SLC8A1: variants seen among roughly 807,000 people sequenced by gnomAD.
SLC8A1 encodes the protein solute carrier family 8 member A1.
Under a neutral mutation model 68.3 loss-of-function variants are expected in SLC8A1, and 18 were observed. The observed-to-expected ratio is 0.26, with a 90% confidence interval of 0.18 to 0.39. SLC8A1 has a LOEUF of 0.39. SLC8A1 is among the 10% of genes least tolerant of loss of function. The pLI is 1.00. For synonymous variants in SLC8A1, 475 were observed against 415.5 expected (o/e 1.14, Z -1.74); for missense variants, 985 against 1,156.7 (o/e 0.85, Z 2.15).
intron 2 of SLC8A1, among the ~76,000 whole-genome samples, chr2:40,292,634 G>A (rs972058813): frequency 7.9e-5 from 12 of 152,298 alleles, no homozygotes; most frequent in African/African-American, 2.9e-4. Context: ...GAGTGACTGT[G>A]ATCTATTAAA....
intron 2 of SLC8A1, among the ~76,000 whole-genome samples, chr2:40,383,542 T>C (rs942404409): frequency 2.0e-5 from 3 of 152,068 alleles, no homozygotes; most frequent in African/African-American, 7.2e-5. Flanking sequence ...ATATAAATTA[T>C]CTCTTTCTAG....
chr2:40,218,653 C>G (rs370573141), intron 2 of SLC8A1, among the ~76,000 whole-genome samples: 94 of 151,300 alleles, frequency 6.2e-4, no homozygotes, highest in African/African-American at 2.2e-3. Flanking sequence ...AGCTTATGTA[C>G]TTTATGATTA....
chr2:40,327,413 A>AAAGG, intron 2 of SLC8A1, among the ~76,000 whole-genome samples: 1 of 152,332 alleles, frequency 6.6e-6, no homozygotes, highest in East Asian at 1.9e-4. Flanking sequence ...ATTATGTGTC[A>AAAGG]AAGGAAATAA....
At chr2:40,491,091 C>T (rs1257854012) in intron 1 of SLC8A1, among the ~76,000 whole-genome samples, 1 of 152,120 alleles carries the variant, frequency 6.6e-6, no homozygotes, top group Non-Finnish European at 1.5e-5. Flanking sequence ...TTCTCTCCTA[C>T]ATCTACAATT....
intron 2 of SLC8A1, among the ~76,000 whole-genome samples, chr2:40,321,643 G>A (rs532245829): frequency 6.6e-6 from 1 of 152,078 alleles, no homozygotes; most frequent in Admixed American, 6.6e-5. Flanking sequence ...TGGCATAAAG[G>A]AGAAGTGCCG....
At chr2:40,287,617 T>TGTGTGTGTGTGTGTGTGTGTGTGTGTGC (rs1316566001) in intron 2 of SLC8A1, among the ~76,000 whole-genome samples, 3 of 149,070 alleles carry the variant, frequency 2.0e-5, no homozygotes, top group East Asian at 2.0e-4. Flanking sequence ...TGTGTGTGTG[T>TGTGTGTGTGTGTGTGTGTGTGTGTGTGC]GTGCATGCAG....
intron 1 of SLC8A1, among the ~76,000 whole-genome samples, chr2:40,449,551 C>T (rs866707379): frequency 6.6e-6 from 1 of 152,258 alleles, no homozygotes; most frequent in Non-Finnish European, 1.5e-5. Flanking sequence ...ACCTCACTTT[C>T]CATTTGTAAT....
chr2:40,508,765 G>A (rs1485869105), intron 1 of SLC8A1, among the ~76,000 whole-genome samples: 1 of 152,166 alleles, frequency 6.6e-6, no homozygotes, highest in East Asian at 1.9e-4. Context: ...ATCTTCAGCT[G>A]TGGTTTTGTT....
chr2:40,431,678 C>T (rs373707173), intron 1 of SLC8A1, among the ~76,000 whole-genome samples: 6 of 152,190 alleles, frequency 3.9e-5, no homozygotes, highest in African/African-American at 1.2e-4. Flanking sequence ...TAGGAAGAAG[C>T]CCTGAGTCAG....
intron 2 of SLC8A1, among the ~76,000 whole-genome samples, chr2:40,397,411 A>G (rs776232838): frequency 2.6e-5 from 4 of 152,212 alleles, no homozygotes; most frequent in East Asian, 1.9e-4. Context: ...GCTCATCTCA[A>G]CTAAGTTTTC....
intron 1 of SLC8A1, among the ~76,000 whole-genome samples, chr2:40,510,872 A>G (rs1706679022): frequency 6.6e-6 from 1 of 152,198 alleles, no homozygotes; most frequent in Non-Finnish European, 1.5e-5. Context: ...TAATAATTAT[A>G]GTGCACTATT....
At chr2:40,269,543 C>T (rs1054056317) in intron 2 of SLC8A1, among the ~76,000 whole-genome samples, 1 of 152,136 alleles carries the variant, frequency 6.6e-6, no homozygotes, top group Non-Finnish European at 1.5e-5. Context: ...CTTTATTTCC[C>T]ATAGGTTCAT....
At chr2:40,425,845 AC>A (rs1478284548) in intron 2 of SLC8A1, among the ~76,000 whole-genome samples, 3 of 151,930 alleles carry the variant, frequency 2.0e-5, no homozygotes, top group African/African-American at 7.2e-5. Flanking sequence ...GGGCAGCACA[AC>A]TCCATTTGAC....
intron 1 of SLC8A1, among the ~76,000 whole-genome samples, chr2:40,434,587 C>T (rs1219843580): frequency 6.6e-6 from 1 of 152,092 alleles, no homozygotes. Context: ...GCCTGGCTTT[C>T]TTATATTCTG....
chr2:40,300,702 T>C (rs552402769), intron 2 of SLC8A1, among the ~76,000 whole-genome samples: 33 of 152,232 alleles, frequency 2.2e-4, no homozygotes, highest in African/African-American at 7.9e-4. Flanking sequence ...CTTCTGGCCC[T>C]AAGAATGACA....
In SLC8A1 at chr2:40,278,374, A is replaced by T. The variant is rs4952602; in HGVS notation, c.1809-100519T>A. Among the ~76,000 whole-genome samples the T allele has an allele frequency of 5.7e-3, 871 of 151,830 alleles. 22 individuals are homozygous for T. Among genetic ancestry groups the T allele is most frequent in the East Asian group, 0.033 (169 of 5,128 alleles). ...ATCCCAGCTACTTGGGAGGCTGAGG[A>T]GGAAGAATTGCTTGAACCTGGGAAG... On this transcript the variant is annotated intron_variant, in intron 2 of 7. Transcript: ENST00000406785.
chr2:40,382,166 T>A lies in SLC8A1; in HGVS notation c.1808+46307A>T, dbSNP rs1186467578. Among the ~76,000 whole-genome samples the A allele has an allele frequency of 3.9e-5, 6 of 152,232 alleles. No homozygotes were observed. In the East Asian group the frequency reaches 1.2e-3, roughly 30 times the overall value. On this transcript the variant is annotated intron_variant, in intron 2 of 7. Transcript: ENST00000406785. ...TTTAATTATTACTTTACATATCTTC[T>A]TCACTAGACTGTGAATTCATCCAAA...
rs564469865 is a variant in SLC8A1 at position 40,325,350 on chromosome 2, G to C, written c.1808+103123C>G. ...GCCAGGCCCCTGAAACCAGGAAAAA[G>C]TCCCAGCCTGGCCCAGGGAGCTGCT... On this transcript the variant is annotated intron_variant, in intron 2 of 7. Coordinates refer to ENST00000406785, the Ensembl canonical transcript of SLC8A1. Among the ~76,000 whole-genome samples the C allele has an allele frequency of 2.0e-5, 3 of 152,238 alleles. No individual in the cohort carries two copies. The South Asian group carries it at 6.2e-4, about 32-fold the overall frequency.
At chr2:40,150,580 G>C (rs1202826706) in intron 6 of SLC8A1, among the ~76,000 whole-genome samples, 1 of 152,198 alleles carries the variant, frequency 6.6e-6, no homozygotes, top group African/African-American at 2.4e-5. Context: ...ATGGCACATT[G>C]TTTGCAGAGC....
Sources: allele counts gnomAD v4.1 joint callset (sites outside exome capture counted in the v4.1 genomes callset), GRCh38; gene constraint gnomAD v4.1.1; transcripts MANE v1.5; gene names NCBI Gene and HGNC (gene_info 2026-07-23, HGNC 2026-07-21).